The following RAB11A variants were observed in gnomAD, a reference collection of about 807,000 sequenced individuals.
The protein encoded by RAB11A is RAB11A, member RAS oncogene family.
In RAB11A, 9 loss-of-function variants were observed where a neutral mutation model predicts 28.0. The ratio of observed to expected loss-of-function variants is 0.32; its 90% confidence interval spans 0.19 to 0.56. The LOEUF is 0.56. Among genes scored for constraint, RAB11A ranks in the 20% least tolerant of loss-of-function variants. The pLI, the probability that RAB11A is intolerant of heterozygous loss-of-function variation, is 0.91. For missense variants in RAB11A, 108 were observed against 269.6 expected (o/e 0.40, Z 4.20); for synonymous variants, 85 against 88.2 (o/e 0.96, Z 0.20).
At chr15:65,887,267 G>A (rs1341823135) in intron 4 of RAB11A, among the ~76,000 whole-genome samples, 2 of 151,430 alleles carry the variant, frequency 1.3e-5, no homozygotes, top group East Asian at 2.0e-4. Context: ...TCCGCCTCCC[G>A]GGTTCAAGTG....
chr15:65,873,690 A>G (rs1252351660), intron 1 of RAB11A, among the ~76,000 whole-genome samples: 1 of 151,206 alleles, frequency 6.6e-6, no homozygotes, highest in Non-Finnish European at 1.5e-5. Context: ...AGTAGCTGCA[A>G]CTACAAATGT....
At chr15:65,886,089 A>C (rs906091983) in intron 4 of RAB11A, among the ~76,000 whole-genome samples, 2 of 152,256 alleles carry the variant, frequency 1.3e-5, no homozygotes, top group Non-Finnish European at 2.9e-5. Context: ...AAGGAACTTC[A>C]GCTTCATCCT....
intron 1 of RAB11A, among the ~76,000 whole-genome samples, chr15:65,875,943 A>C (rs1466809788): frequency 6.6e-6 from 1 of 152,218 alleles, no homozygotes; most frequent in Non-Finnish European, 1.5e-5. Flanking sequence ...AGATAAGAAG[A>C]AGTCTTAGTA....
chr15:65,884,352 T>C (rs1416852843), intron 4 of RAB11A, among the ~76,000 whole-genome samples: 1 of 152,220 alleles, frequency 6.6e-6, no homozygotes, highest in African/African-American at 2.4e-5. Flanking sequence ...TTTTCAAGTG[T>C]AAATTATGTG....
intron 1 of RAB11A, among the ~76,000 whole-genome samples, chr15:65,875,394 A>G (rs1194353343): frequency 3.9e-5 from 6 of 152,186 alleles, no homozygotes; most frequent in Admixed American, 3.3e-4. Context: ...ATAATAGACT[A>G]TTAACTGAAA....
At chr15:65,881,877 TAAA>T (rs57352123) in intron 4 of RAB11A, among the ~76,000 whole-genome samples, 10,262 of 86,266 alleles carry the variant, frequency 0.12, 390 homozygotes, top group Middle Eastern at 0.13. Flanking sequence ...ACCCTGTCTC[TAAA>T]AAAAAAAAAA....
In RAB11A at chr15:65,887,697, T is replaced by A. The variant is rs2078263410; in HGVS notation, c.512-4T>A. ...TAAGTATTGTGGTTTCTTTTTTCCTTCAGAGATTTACCGCATTGTTTCTCA... is the reference window on the plus strand; with the variant it reads ...TAAGTATTGTGGTTTCTTTTTTCCTACAGAGATTTACCGCATTGTTTCTCA... On this transcript the variant is annotated splice_region_variant and splice_polypyrimidine_tract_variant and intron_variant, in intron 4 of 4. Coordinates refer to ENST00000261890, the MANE Select transcript of RAB11A (RefSeq NM_004663.5). The A allele has an allele frequency of 6.2e-7, 1 of 1,609,028 alleles. No individual in the cohort carries two copies. The highest frequency in any genetic ancestry group is 1.7e-5 in the Admixed American group (1 of 59,028).
At chr15:65,885,450 A>T (rs1156505825) in intron 4 of RAB11A, among the ~76,000 whole-genome samples, 1 of 152,088 alleles carries the variant, frequency 6.6e-6, no homozygotes, top group African/African-American at 2.4e-5. Context: ...TTAATGTGCA[A>T]TCCATATTCA....
intron 1 of RAB11A, among the ~76,000 whole-genome samples, chr15:65,871,852 G>T (rs2078162867): frequency 1.4e-5 from 2 of 148,048 alleles, no homozygotes; most frequent in African/African-American, 5.0e-5. Context: ...GAGACTGTTC[G>T]TAAAATTTTA....
chr15:65,877,594 ATTGG>A lies in RAB11A; in HGVS notation c.236+68_236+71del. 3.4e-6 allele frequency: 5 copies of A among 1,484,226 alleles called. No individual in the cohort carries two copies. The highest frequency in any genetic ancestry group is 4.6e-6 in the Non-Finnish European group (5 of 1,096,008). 91.9% of individuals were successfully genotyped at this position (1,484,226 alleles called of 1,614,324 possible). ...TCGAGTGAATTAGCTGACTTTTGGT[ATTGG>A]AAAAAGAACTGTTGTTTTTTTCTTT... On this transcript the variant is annotated intron_variant, in intron 2 of 4. Coordinates refer to ENST00000261890, the MANE Select transcript of RAB11A (RefSeq NM_004663.5). The surrounding 1 kb of genome is among the most constrained non-coding windows in gnomAD (Gnocchi z 4.1).
intron 4 of RAB11A, among the ~76,000 whole-genome samples, chr15:65,880,620 AGAGAT>A (rs1198657157): frequency 2.0e-5 from 3 of 152,162 alleles, no homozygotes. Context: ...CCCCTGTATT[AGAGAT>A]TAACAGATTT....
chr15:65,882,629 CAG>C (rs2078229636), intron 4 of RAB11A, among the ~76,000 whole-genome samples: 1 of 152,086 alleles, frequency 6.6e-6, no homozygotes, highest in South Asian at 2.1e-4. Flanking sequence ...ATTGTTACTT[CAG>C]AGTTAATTGT....
At chr15:65,873,790 A>G (rs1332112634) in intron 1 of RAB11A, among the ~76,000 whole-genome samples, 2 of 151,800 alleles carry the variant, frequency 1.3e-5, no homozygotes, top group African/African-American at 2.4e-5. Context: ...GGGTCTCCCT[A>G]CGTTGCCCAG....
chr15:65,878,685 C>G (rs1265494378), intron 3 of RAB11A, among the ~76,000 whole-genome samples: 1 of 151,316 alleles, frequency 6.6e-6, no homozygotes, highest in Non-Finnish European at 1.5e-5. Context: ...CCCAAAAAAA[C>G]AAAACAAAAC....
intron 1 of RAB11A, among the ~76,000 whole-genome samples, chr15:65,871,321 T>A (rs1051011758): frequency 6.6e-6 from 1 of 152,212 alleles, no homozygotes; most frequent in African/African-American, 2.4e-5. Flanking sequence ...ACTTTCAGGG[T>A]ACTTAGTTCA....
Position 65,888,031 on chromosome 15 carries a change from C to T in RAB11A, c.*191C>T, listed in dbSNP as rs772251885. On this transcript the variant is annotated 3_prime_UTR_variant, in exon 5 of 5. Transcript: ENST00000261890. ...GTCCCGAATGACTGCAGCTTTTTTT[C>T]ATGCTATGGCTTCACTAGCCTTAGT... 9.6e-5 allele frequency: 49 copies of T among 509,336 alleles called. No homozygotes were observed. The highest frequency in any genetic ancestry group is 1.5e-4 in the Non-Finnish European group (45 of 310,148). 31.6% of individuals were successfully genotyped at this position (509,336 alleles called of 1,614,324 possible).
At chr15:65,885,044 C>A (rs2078247201) in intron 4 of RAB11A, among the ~76,000 whole-genome samples, 1 of 148,156 alleles carries the variant, frequency 6.7e-6, no homozygotes, top group African/African-American at 2.5e-5. Context: ...TCACTGCTCA[C>A]TGAGTGAGAC....
rs527672030 is a variant in RAB11A, at chr15:65,870,425, C to T, written c.40+800C>T. On this transcript the variant is annotated intron_variant, in intron 1 of 4. Coordinates refer to ENST00000261890, the MANE Select transcript of RAB11A (RefSeq NM_004663.5). Reference sequence around the variant, plus strand: ...CCCACTCGCGCACTTGTCGCAGTGACCCGGCAGGCTGACATTACTTCCCAC... The same window carrying T: ...CCCACTCGCGCACTTGTCGCAGTGATCCGGCAGGCTGACATTACTTCCCAC... 2.4e-3 allele frequency among the ~76,000 whole-genome samples: 359 copies of T among 152,356 alleles called. 4 individuals are homozygous for T. Among genetic ancestry groups the T allele is most frequent in the South Asian group, 2.1e-3 (10 of 4,830 alleles).
chr15:65,878,698 A>G (rs761555482), intron 3 of RAB11A, among the ~76,000 whole-genome samples: 13 of 152,210 alleles, frequency 8.5e-5, no homozygotes, highest in South Asian at 2.1e-4. Context: ...AACAAAACAA[A>G]CAAAAAAAGA....
Sources: allele counts gnomAD v4.1 joint callset (sites outside exome capture counted in the v4.1 genomes callset), GRCh38; gene constraint gnomAD v4.1.1; non-coding constraint Gnocchi (gnomAD v3.1); transcripts MANE v1.5; gene names NCBI Gene and HGNC (gene_info 2026-07-23, HGNC 2026-07-21).